The following MTF1 variants were observed in gnomAD, a reference collection of about 807,000 sequenced individuals.
MTF1 encodes MRE-binding transcription factor.
In MTF1, 22 loss-of-function variants were observed where a neutral mutation model predicts 70.4. That is an observed-to-expected ratio of 0.31 (90% CI 0.22 to 0.45). The LOEUF is 0.45. Ranked by LOEUF, MTF1 falls within the 20% of genes least tolerant of loss-of-function variation. MTF1 has a pLI of 1.00. For missense variants in MTF1, 649 were observed against 922.0 expected (o/e 0.70, Z 3.83); for synonymous variants, 333 against 352.8 (o/e 0.94, Z 0.63).
chr1:37,821,525 C>T (rs1640911290), intron 9 of MTF1, among the ~76,000 whole-genome samples: 2 of 152,036 alleles, frequency 1.3e-5, no homozygotes, highest in Non-Finnish European at 2.9e-5. Context: ...TTTCTGTATC[C>T]TCCAGATACT....
chr1:37,850,246 A>C (rs1641395793), intron 2 of MTF1, among the ~76,000 whole-genome samples: 1 of 151,454 alleles, frequency 6.6e-6, no homozygotes. Flanking sequence ...CAACCAAAAA[A>C]AAAAAAAAAA....
intron 7 of MTF1, among the ~76,000 whole-genome samples, chr1:37,826,930 G>A (rs1425197512): frequency 2.6e-5 from 4 of 152,142 alleles, no homozygotes; most frequent in Admixed American, 6.6e-5. Context: ...AGCGAGCTGA[G>A]ATCAAGCCAC....
At chr1:37,830,116 G>A (rs988979690) in intron 7 of MTF1, among the ~76,000 whole-genome samples, 3 of 152,132 alleles carry the variant, frequency 2.0e-5, no homozygotes, top group African/African-American at 7.2e-5. Flanking sequence ...CACGTTAAAG[G>A]GATATTATTC....
intron 4 of MTF1, among the ~76,000 whole-genome samples, chr1:37,837,112 G>A (rs1278543523): frequency 1.3e-5 from 2 of 152,080 alleles, no homozygotes; most frequent in African/African-American, 2.4e-5. Flanking sequence ...CCAGGCTGGA[G>A]TGTAGTGGCA....
At chr1:37,850,240 CAAAAAAAAAA>C (rs5773605) in intron 2 of MTF1, among the ~76,000 whole-genome samples, 1 of 66,332 alleles carries the variant, frequency 1.5e-5, no homozygotes, top group Admixed American at 2.1e-4. Flanking sequence ...CTGTCTCAAC[CAAAAAAAAAA>C]AAAAAAAAAA....
At chr1:37,836,047 G>T (rs892629885) in intron 4 of MTF1, among the ~76,000 whole-genome samples, 1 of 152,102 alleles carries the variant, frequency 6.6e-6, no homozygotes, top group African/African-American at 2.4e-5. Context: ...TGATCCGCCC[G>T]CCTCGGCCTC....
chr1:37,820,530 A>G (rs1185128027), intron 9 of MTF1, among the ~76,000 whole-genome samples: 3 of 152,226 alleles, frequency 2.0e-5, no homozygotes, highest in Non-Finnish European at 2.9e-5. Context: ...GATTGTTGTA[A>G]TATGTTAAAA....
chr1:37,812,063 T>C lies in MTF1; in HGVS notation c.*3073A>G, dbSNP rs1183306227. Reference sequence around the variant, plus strand: ...AGCACCCTTTGAAGCGGTTGTCTAATTGGAGATGTTAGTAGGAGCTAGAAG... The same window carrying C: ...AGCACCCTTTGAAGCGGTTGTCTAACTGGAGATGTTAGTAGGAGCTAGAAG... On this transcript the variant is annotated 3_prime_UTR_variant, in exon 11 of 11. Coordinates refer to ENST00000373036, the MANE Select transcript of MTF1 (RefSeq NM_005955.3). 4 of 152,706 alleles carry C rather than the reference T, an allele frequency of 2.6e-5. No individual in the cohort carries two copies. The highest frequency in any genetic ancestry group is 4.4e-5 in the Non-Finnish European group (3 of 68,058). The allele number at this position is 152,706 out of a possible 1,614,324, so 9.5% of individuals were successfully genotyped here. A position where few individuals can be genotyped will look rare whatever the true frequency, so the allele number is the denominator to read the frequency against.
At chr1:37,819,048 C>T (rs896226668) in intron 9 of MTF1, among the ~76,000 whole-genome samples, 1 of 152,092 alleles carries the variant, frequency 6.6e-6, no homozygotes, top group African/African-American at 2.4e-5. Flanking sequence ...ATGTTCAACC[C>T]CTCGCCATGT....
intron 4 of MTF1, among the ~76,000 whole-genome samples, chr1:37,838,040 G>A (rs1311741226): frequency 1.3e-5 from 2 of 152,108 alleles, no homozygotes; most frequent in Non-Finnish European, 2.9e-5. Flanking sequence ...ATATACATAT[G>A]TTGACATATA....
chr1:37,828,327 A>T, intron 7 of MTF1: 2 of 379,040 alleles, frequency 5.3e-6, no homozygotes, highest in Non-Finnish European at 1.0e-5. Context: ...GTTCTGAGAC[A>T]GAGTTTCGCT....
intron 3 of MTF1, among the ~76,000 whole-genome samples, 181 bp downstream of exon 3, chr1:37,839,739 T>C (rs1346404026): frequency 6.6e-6 from 1 of 152,246 alleles, no homozygotes; most frequent in Admixed American, 6.5e-5. Flanking sequence ...CTCTAATGCA[T>C]TTTTAAATTT....
intron 9 of MTF1, among the ~76,000 whole-genome samples, chr1:37,819,198 TGGGG>T (rs1220601670): frequency 2.0e-5 from 3 of 152,170 alleles, no homozygotes; most frequent in African/African-American, 7.2e-5. Context: ...TTACCCAGTT[TGGGG>T]TATTCTGTTA....
rs1433500532 is a variant in MTF1 at position 37,840,711 on chromosome 1, C to T, written c.409-553G>A. Among the ~76,000 whole-genome samples, 1 of 152,142 alleles carries T rather than the reference C, an allele frequency of 6.6e-6. No individual in the cohort carries two copies. The highest frequency in any genetic ancestry group is 1.5e-5 in the Non-Finnish European group (1 of 68,024). ...TGGTGATGTGATAATTCTCAAACTG[C>T]CAGCCTCTTGTTTCCTTTCACCATC... On this transcript the variant is annotated intron_variant, in intron 2 of 10. Transcript: ENST00000373036. This position sits in a 1 kb window ranked among gnomAD's most constrained non-coding sequence, Gnocchi z 4.5.
At chr1:37,818,440 C>A (rs1449920105) in intron 9 of MTF1, among the ~76,000 whole-genome samples, 1 of 152,232 alleles carries the variant, frequency 6.6e-6, no homozygotes, top group African/African-American at 2.4e-5. Context: ...CGCAGTGGCT[C>A]ACGCCTGTAA....
chr1:37,847,247 C>A (rs978044182), intron 2 of MTF1, among the ~76,000 whole-genome samples: 4 of 152,130 alleles, frequency 2.6e-5, no homozygotes, highest in African/African-American at 9.7e-5. Context: ...ATTCTTGTAT[C>A]TTTGCAAAAG....
At chr1:37,846,275 T>C (rs1303345762) in intron 2 of MTF1, among the ~76,000 whole-genome samples, 2 of 151,268 alleles carry the variant, frequency 1.3e-5, no homozygotes, top group Non-Finnish European at 2.9e-5. Flanking sequence ...ACTATGGGAA[T>C]ATACCAAAGA....
chr1:37,827,832 A>C (rs748621689), intron 7 of MTF1, among the ~76,000 whole-genome samples: 3 of 152,172 alleles, frequency 2.0e-5, no homozygotes, highest in Non-Finnish European at 4.4e-5. Context: ...CATTACTTTC[A>C]ATGGCAATTA....
intron 7 of MTF1, chr1:37,828,234 GCA>G: frequency 2.5e-6 from 1 of 392,794 alleles, no homozygotes; most frequent in African/African-American, 2.2e-5. Flanking sequence ...GTGGTTGTCT[GCA>G]GGGAGAGATC....
Sources: gnomAD v4.1 joint callset for allele counts (sites outside exome capture counted in the v4.1 genomes callset) on GRCh38, gnomAD v4.1.1 for gene constraint, Gnocchi (gnomAD v3.1) non-coding constraint, MANE v1.5 for transcripts, NCBI Gene and HGNC (gene_info 2026-07-23, HGNC 2026-07-21) for gene names.